MACROD2: variants seen among roughly 807,000 people sequenced by gnomAD.
The protein encoded by MACROD2 is ADP-ribose glycohydrolase MACROD2.
Under a neutral mutation model 70.4 loss-of-function variants are expected in MACROD2, and 36 were observed. That is an observed-to-expected ratio of 0.51 (90% CI 0.39 to 0.68). The LOEUF (loss-of-function observed/expected upper bound fraction) is 0.68, where lower values mean the gene tolerates loss of function less well. Ranked by LOEUF, MACROD2 falls within the 30% of genes least tolerant of loss-of-function variation. The probability of loss-of-function intolerance (pLI) is 0.00; values close to 1 mark genes in which losing one functional copy is unlikely to be tolerated. For missense variants in MACROD2, 496 were observed against 538.4 expected, an observed-to-expected ratio of 0.92 and a Z score of 0.78; for synonymous variants, 172 against 178.8, an observed-to-expected ratio of 0.96 and a Z score of 0.30.
intron 7 of MACROD2, among the ~76,000 whole-genome samples, chr20:15,449,180 T>C (rs1304288366): frequency 2.0e-5 from 3 of 152,148 alleles, no homozygotes; most frequent in Admixed American, 2.0e-4. Context: ...TGGAACATAC[T>C]GAATAAATAC....
chr20:14,435,366 C>T lies in MACROD2; in HGVS notation c.272-58113C>T, dbSNP rs531112563. On this transcript the variant is annotated intron_variant, in intron 3 of 17. Coordinates refer to ENST00000684519, the MANE Select transcript of MACROD2 (RefSeq NM_001351661.2). ...GATCTTAACTACATCTGCAAAGACC[C>T]TTTTTCCAATTAAACTGCCATTCAA... Among the ~76,000 whole-genome samples the T allele has an allele frequency of 2.1e-4, 32 of 152,248 alleles. 1 individual carries two copies. The highest frequency in any genetic ancestry group is 7.5e-4 in the African/African-American group (31 of 41,544).
intron 10 of MACROD2, among the ~76,000 whole-genome samples, chr20:15,909,520 T>A (rs1456119752): frequency 1.6e-5 from 2 of 124,610 alleles, no homozygotes; most frequent in Non-Finnish European, 3.4e-5. Flanking sequence ...TACAATTTTT[T>A]TTTTTTTTTT....
At chr20:14,531,014 G>A (rs1307540675) in intron 4 of MACROD2, among the ~76,000 whole-genome samples, 2 of 152,000 alleles carry the variant, frequency 1.3e-5, no homozygotes, top group African/African-American at 2.4e-5. Flanking sequence ...CTCTTTTATT[G>A]TCCCAAGAAT....
At chr20:15,710,298 T>C (rs1337900604) in intron 8 of MACROD2, among the ~76,000 whole-genome samples, 1 of 151,894 alleles carries the variant, frequency 6.6e-6, no homozygotes, top group Non-Finnish European at 1.5e-5. Context: ...AAGAATAATA[T>C]TGAGGTTCCT....
intron 5 of MACROD2, among the ~76,000 whole-genome samples, chr20:15,153,316 G>T (rs997517048): frequency 6.6e-6 from 1 of 152,094 alleles, no homozygotes; most frequent in African/African-American, 2.4e-5. Flanking sequence ...AAAAAGGGGG[G>T]TTGTTCTCTG....
intron 4 of MACROD2, among the ~76,000 whole-genome samples, chr20:14,522,571 A>G (rs2085181038): frequency 6.6e-6 from 1 of 152,202 alleles, no homozygotes; most frequent in South Asian, 2.1e-4. Context: ...CCTGTACTGC[A>G]CAGGTCTTTT....
Position 15,877,598 on chromosome 20 carries a change from G to A in MACROD2, c.728-8166G>A, listed in dbSNP as rs1037142259. Among the ~76,000 whole-genome samples the A allele has an allele frequency of 3.9e-5, 6 of 152,220 alleles. No individual in the cohort carries two copies. In the East Asian group the frequency reaches 5.8e-4, roughly 15 times the overall value. ...TACTCAGGGAGGACTCTCCCTTATC[G>A]GACATTCTTTGCCTGAAGTTTCTGC... On this transcript the variant is annotated intron_variant, in intron 9 of 17. Transcript: ENST00000684519.
At chr20:15,730,693 A>G (rs2050935314) in intron 8 of MACROD2, among the ~76,000 whole-genome samples, 1 of 151,682 alleles carries the variant, frequency 6.6e-6, no homozygotes, top group Non-Finnish European at 1.5e-5. Flanking sequence ...CGTATCTTGC[A>G]AGGATTCTCT....
intron 6 of MACROD2, among the ~76,000 whole-genome samples, chr20:15,341,572 T>C (rs2078110516): frequency 1.3e-5 from 2 of 152,186 alleles, no homozygotes; most frequent in East Asian, 1.9e-4. Flanking sequence ...TTTTGACATA[T>C]GTTAAGGAAA....
At chr20:14,470,415 A>G (rs1267803735) in intron 3 of MACROD2, among the ~76,000 whole-genome samples, 2 of 152,132 alleles carry the variant, frequency 1.3e-5, no homozygotes, top group Non-Finnish European at 2.9e-5. Flanking sequence ...TCGAGGACTC[A>G]CTTGGGGAGG....
intron 5 of MACROD2, among the ~76,000 whole-genome samples, chr20:15,100,573 G>A (rs1421677092): frequency 6.6e-6 from 1 of 152,084 alleles, no homozygotes; most frequent in Non-Finnish European, 1.5e-5. Context: ...AGTTATCTCT[G>A]TAGCTAAAAT....
intron 3 of MACROD2, among the ~76,000 whole-genome samples, chr20:14,349,814 C>CTTT (rs538685508): frequency 2.3e-5 from 3 of 132,238 alleles, no homozygotes; most frequent in South Asian, 2.4e-4. Flanking sequence ...TTCTTTTTTT[C>CTTT]TTTTTTTTTT....
chr20:15,576,389 C>G (rs1228685921), intron 8 of MACROD2, among the ~76,000 whole-genome samples: 1 of 152,096 alleles, frequency 6.6e-6, no homozygotes, highest in Non-Finnish European at 1.5e-5. Context: ...TGCAAACATT[C>G]CATTTCACCT....
chr20:15,185,248 A>G (rs1239699053), intron 5 of MACROD2, among the ~76,000 whole-genome samples: 1 of 151,940 alleles, frequency 6.6e-6, no homozygotes, highest in Non-Finnish European at 1.5e-5. Flanking sequence ...ACCATTTGAG[A>G]AGAAAATAAT....
At chr20:14,559,227 A>G (rs1348945701) in intron 4 of MACROD2, among the ~76,000 whole-genome samples, 1 of 151,764 alleles carries the variant, frequency 6.6e-6, no homozygotes, top group Non-Finnish European at 1.5e-5. Flanking sequence ...GAACCTCATA[A>G]GTACAAAAAT....
At chr20:14,282,423 G>A (rs1006619702) in intron 3 of MACROD2, among the ~76,000 whole-genome samples, 1 of 152,144 alleles carries the variant, frequency 6.6e-6, no homozygotes, top group Non-Finnish European at 1.5e-5. Context: ...CTGTCTGCTG[G>A]ATGGTCAGTG....
At chr20:15,882,747 T>G (rs1260991545) in intron 9 of MACROD2, among the ~76,000 whole-genome samples, 2 of 152,090 alleles carry the variant, frequency 1.3e-5, no homozygotes, top group African/African-American at 4.8e-5. Context: ...GGACAGACTC[T>G]TAACCACTGT....
chr20:15,352,462 A>T (rs2078238235), intron 6 of MACROD2, among the ~76,000 whole-genome samples: 1 of 152,174 alleles, frequency 6.6e-6, no homozygotes, highest in Non-Finnish European at 1.5e-5. Context: ...TATTCCAAAG[A>T]TATCAGAAAT....
chr20:15,921,268 C>A (rs1041928511), intron 10 of MACROD2, among the ~76,000 whole-genome samples: 1 of 152,208 alleles, frequency 6.6e-6, no homozygotes, highest in Non-Finnish European at 1.5e-5. Context: ...CCCAAATGTA[C>A]ATGCTTCCTC....
Sources: allele counts gnomAD v4.1 joint callset (sites outside exome capture counted in the v4.1 genomes callset), GRCh38; gene constraint gnomAD v4.1.1; transcripts MANE v1.5; gene names NCBI Gene and HGNC (gene_info 2026-07-23, HGNC 2026-07-21).